Variants in LYPLAL1 observed in about 807,000 individuals in gnomAD.
The protein encoded by LYPLAL1 is lysophospholipase-like protein 1.
A neutral mutation model predicts 19.7 loss-of-function variants in LYPLAL1; 23 were observed. That is an observed-to-expected ratio of 1.17 (90% CI 0.84 to 1.65). The LOEUF is 1.65. Among genes scored for constraint, LYPLAL1 ranks in the 40% most tolerant of loss-of-function variants. The pLI is 0.00. For missense variants in LYPLAL1, 355 were observed against 279.4 expected (o/e 1.27, Z -1.93); for synonymous variants, 119 against 96.3 (o/e 1.24, Z -1.38).
the LYPLAL1 span, among the ~76,000 whole-genome samples, chr1:219,262,343 A>T: frequency 6.6e-6 from 1 of 152,004 alleles, no homozygotes; most frequent in Non-Finnish European, 1.5e-5. Context: ...TGAATTCTTT[A>T]TCTGAGAATT....
intron 3 of LYPLAL1, among the ~76,000 whole-genome samples, chr1:219,198,160 A>G (rs1657764442): frequency 6.6e-6 from 1 of 152,160 alleles, no homozygotes; most frequent in African/African-American, 2.4e-5. Context: ...TGATTAAATC[A>G]AGTCTCTTGT....
chr1:219,274,272 G>A, the LYPLAL1 span, among the ~76,000 whole-genome samples: 15 of 152,304 alleles, frequency 9.8e-5, no homozygotes, highest in African/African-American at 2.6e-4. Flanking sequence ...GGGCCCAACA[G>A]CCCAACTAGT....
chr1:219,203,287 A>G (rs1300275318), intron 3 of LYPLAL1, among the ~76,000 whole-genome samples: 6 of 150,090 alleles, frequency 4.0e-5, no homozygotes, highest in Non-Finnish European at 8.9e-5. Flanking sequence ...ACTCAGTTTT[A>G]CAAACTTTTT....
the LYPLAL1 span, among the ~76,000 whole-genome samples, chr1:219,358,018 C>G: frequency 6.6e-6 from 1 of 152,090 alleles, no homozygotes; most frequent in Non-Finnish European, 1.5e-5. Context: ...CAGTGTTTGC[C>G]GTCCACACAG....
the LYPLAL1 span, among the ~76,000 whole-genome samples, chr1:219,349,244 CT>C: frequency 6.6e-6 from 1 of 152,204 alleles, no homozygotes; most frequent in South Asian, 2.1e-4. Flanking sequence ...CAGAGAAATC[CT>C]TTTTAGGATG....
the LYPLAL1 span, among the ~76,000 whole-genome samples, chr1:219,399,231 T>C: frequency 0.67 from 101,448 of 151,964 alleles, 34,820 homozygotes; most frequent in East Asian, 0.89. Flanking sequence ...GGCACAGGGT[T>C]GGGGCACTGG....
chr1:219,434,867 A>T, the LYPLAL1 span, among the ~76,000 whole-genome samples: 2 of 152,004 alleles, frequency 1.3e-5, no homozygotes, highest in African/African-American at 4.8e-5. Flanking sequence ...ACTCTGTTGT[A>T]ACTGAATGTG....
the LYPLAL1 span, among the ~76,000 whole-genome samples, chr1:219,419,594 C>CACAGAGAGAGAGAGAG: frequency 1.2e-4 from 12 of 99,602 alleles, no homozygotes; most frequent in African/African-American, 4.4e-4. Flanking sequence ...CACACACACA[C>CACAGAGAGAGAGAGAG]AGAGAGAGAG....
the LYPLAL1 span, chr1:219,442,575 A>C: frequency 1.3e-5 from 2 of 152,198 alleles, no homozygotes; most frequent in Non-Finnish European, 2.9e-5. Context: ...AACTCACCCC[A>C]GGATGAAACA....
At chr1:219,229,770 C>T in the LYPLAL1 span, among the ~76,000 whole-genome samples, 1 of 152,188 alleles carries the variant, frequency 6.6e-6, no homozygotes, top group Non-Finnish European at 1.5e-5. Context: ...ACTAAAGAAA[C>T]GAGCCACACC....
chr1:219,288,676 T>C, the LYPLAL1 span, among the ~76,000 whole-genome samples: 641 of 152,320 alleles, frequency 4.2e-3, 7 homozygotes, highest in African/African-American at 0.015. Context: ...GATGTGCCAA[T>C]GTCGTTTCAT....
At chr1:219,290,861 G>C in the LYPLAL1 span, among the ~76,000 whole-genome samples, 1 of 152,140 alleles carries the variant, frequency 6.6e-6, no homozygotes, top group Non-Finnish European at 1.5e-5. Flanking sequence ...CACATGGCAG[G>C]TATTCACAAA....
At chr1:219,295,939 C>CT in the LYPLAL1 span, among the ~76,000 whole-genome samples, 1 of 152,166 alleles carries the variant, frequency 6.6e-6, no homozygotes, top group East Asian at 1.9e-4. Flanking sequence ...CCACATTGAC[C>CT]TACTCATTTC....
At chr1:219,205,317 A>C (rs1268531897) in intron 3 of LYPLAL1, among the ~76,000 whole-genome samples, 3 of 145,968 alleles carry the variant, frequency 2.1e-5, no homozygotes, top group Admixed American at 1.4e-4. Flanking sequence ...AGATTGCGCC[A>C]CTGCAGTCCG....
the LYPLAL1 span, among the ~76,000 whole-genome samples, chr1:219,323,866 T>C: frequency 6.6e-6 from 1 of 152,150 alleles, no homozygotes; most frequent in Non-Finnish European, 1.5e-5. Context: ...CATGCATATA[T>C]ACTAAAACAC....
the LYPLAL1 span, among the ~76,000 whole-genome samples, chr1:219,412,233 G>A: frequency 6.6e-6 from 1 of 151,976 alleles, no homozygotes; most frequent in African/African-American, 2.4e-5. Context: ...TCACTGTGTT[G>A]CCCAGGCTGG....
chr1:219,206,349 C>T (rs759990355), intron 3 of LYPLAL1, among the ~76,000 whole-genome samples: 2 of 151,964 alleles, frequency 1.3e-5, no homozygotes, highest in Admixed American at 6.6e-5. Flanking sequence ...TTACTATTTT[C>T]GTATTTACTT....
the LYPLAL1 span, among the ~76,000 whole-genome samples, chr1:219,389,735 T>C: frequency 6.6e-6 from 1 of 152,182 alleles, no homozygotes; most frequent in African/African-American, 2.4e-5. Flanking sequence ...TCTGAGTCAG[T>C]TATATTAGGT....
chr1:219,208,866 C>T (rs184395281), intron 3 of LYPLAL1, among the ~76,000 whole-genome samples: 3 of 152,002 alleles, frequency 2.0e-5, no homozygotes, highest in African/African-American at 7.2e-5. Flanking sequence ...TTTCTGTGTA[C>T]TTACAATAAA....
Sources: allele counts gnomAD v4.1 joint callset (sites outside exome capture counted in the v4.1 genomes callset), GRCh38; gene constraint gnomAD v4.1.1; transcripts MANE v1.5; gene names NCBI Gene and HGNC (gene_info 2026-07-23, HGNC 2026-07-21).